Variants in EPHA6 observed in about 807,000 individuals in gnomAD.
The protein encoded by EPHA6 is ephrin type-A receptor 6.
In EPHA6, 50 loss-of-function variants were observed where a neutral mutation model predicts 112.0. The ratio of observed to expected loss-of-function variants is 0.45; its 90% CI spans 0.36 to 0.56. The LOEUF (loss-of-function observed/expected upper bound fraction) is 0.56, where lower values mean the gene tolerates loss of function less well. Ranked by LOEUF, EPHA6 falls within the 20% of genes least tolerant of loss-of-function variation. The pLI, the probability that EPHA6 is intolerant of heterozygous loss-of-function variation, is 0.00. For missense variants in EPHA6, 1,280 were observed against 1,417.4 expected (o/e 0.90, Z 1.56); for synonymous variants, 529 against 490.7 (o/e 1.08, Z -1.03).
chr3:97,483,815 C>A, intron 9 of EPHA6, 119 bp from the exon 10 acceptor site: 2 of 1,084,542 alleles, frequency 1.8e-6, no homozygotes, highest in Non-Finnish European at 2.4e-6. Flanking sequence ...AAAAGAGAGA[C>A]TTTAAATCAT....
intron 3 of EPHA6, among the ~76,000 whole-genome samples, chr3:97,070,637 C>G (rs2046322052): frequency 1.3e-5 from 2 of 152,066 alleles, no homozygotes; most frequent in South Asian, 4.1e-4. Flanking sequence ...ATAACTTGTA[C>G]ACATTCATGG....
chr3:97,084,145 C>T (rs548608586), intron 3 of EPHA6, among the ~76,000 whole-genome samples: 4 of 143,330 alleles, frequency 2.8e-5, no homozygotes, highest in Non-Finnish European at 4.6e-5. Context: ...CATGCACACA[C>T]ACACACACAC....
At chr3:97,464,300 G>A (rs910298367) in intron 7 of EPHA6, among the ~76,000 whole-genome samples, 3 of 152,028 alleles carry the variant, frequency 2.0e-5, no homozygotes, top group Admixed American at 6.6e-5. Context: ...CCTGTGGGTG[G>A]AGGGAGTTTT....
chr3:96,903,461 G>T (rs1287193689), intron 2 of EPHA6, among the ~76,000 whole-genome samples: 1 of 152,114 alleles, frequency 6.6e-6, no homozygotes, highest in Non-Finnish European at 1.5e-5. Context: ...GGGGAATGGG[G>T]TAGTTGATGT....
intron 6 of EPHA6, among the ~76,000 whole-genome samples, chr3:97,414,310 C>T (rs2087950143): frequency 6.6e-6 from 1 of 152,026 alleles, no homozygotes; most frequent in Non-Finnish European, 1.5e-5. Context: ...TCAACCAATT[C>T]TCCCAACTCT....
intron 3 of EPHA6, among the ~76,000 whole-genome samples, chr3:97,134,446 T>A (rs1388739769): frequency 2.0e-5 from 3 of 152,126 alleles, no homozygotes; most frequent in Non-Finnish European, 2.9e-5. Context: ...TGTGCAAATC[T>A]GCCCAAGTGA....
intron 6 of EPHA6, among the ~76,000 whole-genome samples, chr3:97,428,725 AG>A (rs1166150878): frequency 7.1e-6 from 1 of 141,162 alleles, no homozygotes; most frequent in Non-Finnish European, 1.5e-5. Context: ...CAGCTACCAC[AG>A]CTTCAAGGAT....
intron 3 of EPHA6, among the ~76,000 whole-genome samples, chr3:97,184,627 T>C (rs2077073612): frequency 1.3e-5 from 2 of 152,180 alleles, no homozygotes. Flanking sequence ...ATCGTGAACA[T>C]GGCCATACTG....
intron 3 of EPHA6, among the ~76,000 whole-genome samples, chr3:97,088,250 C>T (rs888293694): frequency 1.3e-5 from 2 of 152,044 alleles, no homozygotes; most frequent in African/African-American, 4.8e-5. Context: ...GTTAAAGATA[C>T]AGTATTAGTA....
At chr3:97,409,287 G>A (rs1328126551) in intron 6 of EPHA6, among the ~76,000 whole-genome samples, 1 of 152,068 alleles carries the variant, frequency 6.6e-6, no homozygotes, top group Non-Finnish European at 1.5e-5. Flanking sequence ...TGCTCAGAGA[G>A]GCCCATAGAT....
chr3:97,554,657 A>G (rs1296077322), intron 11 of EPHA6, among the ~76,000 whole-genome samples: 2 of 152,102 alleles, frequency 1.3e-5, no homozygotes, highest in African/African-American at 4.8e-5. Context: ...TCATAGTTCC[A>G]TCTATCCCGT....
At chr3:96,894,745 G>A (rs935958180) in intron 2 of EPHA6, among the ~76,000 whole-genome samples, 2 of 152,076 alleles carry the variant, frequency 1.3e-5, no homozygotes, top group South Asian at 2.1e-4. Context: ...TGACATTGAG[G>A]ACCTCTTATA....
At chr3:96,971,519 A>G (rs1384245977) in intron 2 of EPHA6, among the ~76,000 whole-genome samples, 5 of 152,114 alleles carry the variant, frequency 3.3e-5, no homozygotes, top group African/African-American at 1.2e-4. Context: ...TATGTTATTA[A>G]CTACATGCCT....
intron 2 of EPHA6, 107 bp from the exon 3 acceptor site, chr3:96,987,223 C>T: frequency 1.1e-6 from 1 of 943,182 alleles, no homozygotes; most frequent in South Asian, 1.7e-5. Flanking sequence ...CATTTGTATC[C>T]TTTTAATTCA....
intron 7 of EPHA6, among the ~76,000 whole-genome samples, chr3:97,464,074 A>G (rs2090978467): frequency 6.6e-6 from 1 of 152,094 alleles, no homozygotes; most frequent in East Asian, 1.9e-4. Context: ...GACTAGTTTT[A>G]CCTGTGTTCA....
intron 6 of EPHA6, among the ~76,000 whole-genome samples, chr3:97,437,703 A>G (rs2089923647): frequency 6.6e-6 from 1 of 152,052 alleles, no homozygotes; most frequent in African/African-American, 2.4e-5. Context: ...GGGTCTCACT[A>G]TATTGCCAAG....
At chr3:97,626,223 G>A (rs1461913872) in intron 13 of EPHA6, among the ~76,000 whole-genome samples, 1 of 151,700 alleles carries the variant, frequency 6.6e-6, no homozygotes, top group Non-Finnish European at 1.5e-5. Context: ...ATGATCTTTT[G>A]GCCTGTTGGC....
At chr3:97,698,300 C>T (rs2033166323) in intron 14 of EPHA6, among the ~76,000 whole-genome samples, 1 of 152,012 alleles carries the variant, frequency 6.6e-6, no homozygotes, top group South Asian at 2.1e-4. Flanking sequence ...TGACCGGCAG[C>T]CAATATATGT....
chr3:96,885,019 A>G (rs1233534108), intron 2 of EPHA6, among the ~76,000 whole-genome samples: 1 of 152,158 alleles, frequency 6.6e-6, no homozygotes, highest in Non-Finnish European at 1.5e-5. Flanking sequence ...TATGTGGTGT[A>G]TCACATTTAT....
Sources: gnomAD v4.1 joint callset for allele counts (sites outside exome capture counted in the v4.1 genomes callset) on GRCh38, gnomAD v4.1.1 for gene constraint, MANE v1.5 for transcripts, NCBI Gene and HGNC (gene_info 2026-07-23, HGNC 2026-07-21) for gene names.